USP32: variants seen among roughly 807,000 people sequenced by gnomAD.
USP32 encodes ubiquitin carboxyl-terminal hydrolase 32.
Under a neutral mutation model 204.8 loss-of-function variants are expected in USP32, and 59 were observed. The ratio of observed to expected loss-of-function variants is 0.29; its 90% CI spans 0.23 to 0.36. The LOEUF (loss-of-function observed/expected upper bound fraction) is 0.36. Ranked by LOEUF, USP32 falls within the 10% of genes least tolerant of loss-of-function variation. The pLI is 1.00. For missense variants in USP32, 1,160 were observed against 1,946.4 expected (o/e 0.60, Z 7.60); for synonymous variants, 517 against 678.4 (o/e 0.76, Z 3.70).
intron 5 of USP32, among the ~76,000 whole-genome samples, chr17:60,279,309 T>C (rs2086909770): frequency 6.7e-6 from 1 of 149,272 alleles, no homozygotes; most frequent in African/African-American, 2.5e-5. Flanking sequence ...CATGATGAGA[T>C]CCCATCTCTA....
At chr17:60,194,747 C>CA (rs989845594) in intron 27 of USP32, among the ~76,000 whole-genome samples, 3 of 152,152 alleles carry the variant, frequency 2.0e-5, no homozygotes, top group African/African-American at 7.2e-5. Flanking sequence ...ATCTCAATTC[C>CA]AAGTATCCTA....
At chr17:60,346,579 G>T (rs981833390) in intron 1 of USP32, among the ~76,000 whole-genome samples, 2 of 152,014 alleles carry the variant, frequency 1.3e-5, no homozygotes, top group Non-Finnish European at 2.9e-5. Flanking sequence ...AAAAATTACT[G>T]AGCCATTACT....
chr17:60,401,301 C>G (rs571475609), intron 1 of USP32, among the ~76,000 whole-genome samples: 1 of 151,498 alleles, frequency 6.6e-6, no homozygotes, highest in Non-Finnish European at 1.5e-5. Flanking sequence ...ACCAGGGAGG[C>G]GGAGCTTGCA....
intron 1 of USP32, among the ~76,000 whole-genome samples, chr17:60,352,622 A>G (rs557911975): frequency 6.6e-6 from 1 of 152,364 alleles, no homozygotes; most frequent in East Asian, 1.9e-4. Context: ...CAAAGAAGTA[A>G]CAATCAGGTT....
chr17:60,361,967 G>T (rs1011470374), intron 1 of USP32, among the ~76,000 whole-genome samples: 2 of 152,122 alleles, frequency 1.3e-5, no homozygotes, highest in African/African-American at 4.8e-5. Context: ...ACTAAAAGTG[G>T]ATCCACTCTT....
At chr17:60,185,702 G>A in intron 29 of USP32, 51 bp from the exon 30 acceptor site, 1 of 1,571,554 alleles carries the variant, frequency 6.4e-7, no homozygotes, top group South Asian at 1.2e-5. Flanking sequence ...GGCATTTAAA[G>A]TGGTGATCTA....
At chr17:60,304,265 T>C (rs1037770832) in intron 2 of USP32, among the ~76,000 whole-genome samples, 4 of 151,918 alleles carry the variant, frequency 2.6e-5, no homozygotes, top group Admixed American at 6.6e-5. Flanking sequence ...GTGTGAAATA[T>C]TGAAAGCACT....
chr17:60,390,015 C>CA lies in USP32; in HGVS notation c.58+1866dup, dbSNP rs369359022. Among the ~76,000 whole-genome samples, 264 of 146,292 alleles carry CA rather than the reference C, an allele frequency of 1.8e-3. 1 individual carries two copies. Among genetic ancestry groups the CA allele is most frequent in the African/African-American group, 4.8e-3 (192 of 39,910 alleles). On this transcript the variant is annotated intron_variant, in intron 1 of 33. Coordinates refer to ENST00000300896, the MANE Select transcript of USP32 (RefSeq NM_032582.4). ...CTGGGCAACAGAGCAAGACTCGTCT[C>CA]AAAAAAAAAACATAAATTCATTCCA...
At chr17:60,190,493 G>A in intron 29 of USP32, 70 bp downstream of exon 29, 1 of 1,473,912 alleles carries the variant, frequency 6.8e-7, no homozygotes, top group Non-Finnish European at 9.0e-7. Context: ...AACAGAAATG[G>A]CATAATAGTT....
chr17:60,420,383 C>T (rs376478706), intron 1 of USP32, among the ~76,000 whole-genome samples: 11 of 152,144 alleles, frequency 7.2e-5, no homozygotes, highest in Admixed American at 1.3e-4. Context: ...AAGACTCTTT[C>T]CTGGCCGGAC....
At chr17:60,421,488 A>G in intron 1 of USP32, 1 of 985,444 alleles carries the variant, frequency 1.0e-6, no homozygotes, top group Non-Finnish European at 1.2e-6. Flanking sequence ...ACAGGGCCAC[A>G]CTGAGTGGGG....
intron 1 of USP32, among the ~76,000 whole-genome samples, chr17:60,363,227 G>A (rs2089245220): frequency 1.3e-5 from 2 of 151,802 alleles, no homozygotes; most frequent in Non-Finnish European, 2.9e-5. Flanking sequence ...GGCTGAGGCG[G>A]GCAGATTGCC....
intron 1 of USP32, among the ~76,000 whole-genome samples, chr17:60,390,503 T>C (rs1471805436): frequency 1.3e-5 from 2 of 152,184 alleles, no homozygotes; most frequent in African/African-American, 4.8e-5. Context: ...CAAATGAGAT[T>C]GTCCATAAAA....
At position 60,214,755 on chromosome 17, in the gene USP32, A is replaced by G. The variant is rs780587199; in HGVS notation, c.1887T>C (p.Asn629=). The G allele has an allele frequency of 1.9e-6, 3 of 1,613,976 alleles. No individual in the cohort carries two copies. In the South Asian group the frequency reaches 3.3e-5, roughly 18 times the overall value. The change falls in exon 17 of 34, where the codon AAT becomes AAC. Residue 629 remains asparagine, a synonymous_variant. Transcript: ENST00000300896. ...WVNMGNVPSP[N]APLKRVLAYT... ...AGGCTAATACCCGCTTTAAAGGTGC[A>G]TTCGGAGAAGGTACATTTCCTATGG...
intron 29 of USP32, among the ~76,000 whole-genome samples, chr17:60,188,870 T>G (rs1383734432): frequency 3.9e-5 from 6 of 152,342 alleles, no homozygotes; most frequent in South Asian, 2.1e-4. Flanking sequence ...AGATTAGTCA[T>G]ATGGGCCCAC....
At chr17:60,356,171 C>A (rs2089072768) in intron 1 of USP32, among the ~76,000 whole-genome samples, 1 of 152,038 alleles carries the variant, frequency 6.6e-6, no homozygotes, top group South Asian at 2.1e-4. Context: ...AACTTTTTCC[C>A]CTGGCATTCT....
At chr17:60,409,503 G>A (rs953493166) in intron 1 of USP32, among the ~76,000 whole-genome samples, 1 of 152,210 alleles carries the variant, frequency 6.6e-6, no homozygotes, top group Non-Finnish European at 1.5e-5. Context: ...GAAAAAAAGA[G>A]GGTTACCTAA....
At chr17:60,408,635 C>A (rs2089996567) in intron 1 of USP32, among the ~76,000 whole-genome samples, 1 of 152,110 alleles carries the variant, frequency 6.6e-6, no homozygotes, top group Non-Finnish European at 1.5e-5. Flanking sequence ...ACCTCACCCT[C>A]CCAAAGTGCT....
chr17:60,236,276 A>C, intron 11 of USP32, 36 bp from the exon 12 acceptor site: 1 of 1,544,958 alleles, frequency 6.5e-7, no homozygotes, highest in Non-Finnish European at 8.9e-7. Context: ...CATCAAACAA[A>C]GTGTGAAATA....
Sources: gnomAD v4.1 joint callset for allele counts (sites outside exome capture counted in the v4.1 genomes callset) on GRCh38, gnomAD v4.1.1 for gene constraint, MANE v1.5 for transcripts, NCBI Gene and HGNC (gene_info 2026-07-23, HGNC 2026-07-21) for gene names.